ANKS1B: variants seen among roughly 807,000 people sequenced by gnomAD.
The protein encoded by ANKS1B is ankyrin repeat and sterile alpha motif domain-containing protein 1B.
Under a neutral mutation model 148.3 loss-of-function variants are expected in ANKS1B, and 36 were observed. That is an observed-to-expected ratio of 0.24 (90% confidence interval 0.19 to 0.32). The LOEUF (loss-of-function observed/expected upper bound fraction) is 0.32, where lower values mean the gene tolerates loss of function less well. Ranked by LOEUF, ANKS1B falls within the 10% of genes least tolerant of loss-of-function variation. The probability of loss-of-function intolerance (pLI) is 1.00; values close to 1 mark genes in which losing one functional copy is unlikely to be tolerated. For synonymous variants in ANKS1B, 542 were observed against 560.8 expected, an observed-to-expected ratio of 0.97 and a Z score of 0.47; for missense variants, 1,157 against 1,542.6, an observed-to-expected ratio of 0.75 and a Z score of 4.19.
intron 1 of ANKS1B, among the ~76,000 whole-genome samples, chr12:99,904,908 G>A (rs1485561293): frequency 1.3e-5 from 2 of 152,014 alleles, no homozygotes; most frequent in East Asian, 1.9e-4. Context: ...TTACTGAAGC[G>A]CATACTATAT....
At chr12:99,721,957 G>T (rs982742412) in intron 8 of ANKS1B, among the ~76,000 whole-genome samples, 1 of 152,316 alleles carries the variant, frequency 6.6e-6, no homozygotes, top group South Asian at 2.1e-4. Flanking sequence ...TAGTGCTCTG[G>T]AAAGATCAAA....
intron 12 of ANKS1B, among the ~76,000 whole-genome samples, chr12:99,322,159 T>C (rs111339858): frequency 0.048 from 7,252 of 152,194 alleles, 186 homozygotes; most frequent in Middle Eastern, 0.082. Flanking sequence ...ATATATACCA[T>C]GGAATACTAT....
chr12:98,825,437 C>T (rs201420), intron 19 of ANKS1B, among the ~76,000 whole-genome samples: 124,217 of 152,036 alleles, frequency 0.82, 51,010 homozygotes, highest in East Asian at 1. Flanking sequence ...GGTAATACTG[C>T]TTTTTTTTAA....
chr12:99,159,339 A>G (rs78277649), intron 14 of ANKS1B, among the ~76,000 whole-genome samples: 3,518 of 152,244 alleles, frequency 0.023, 120 homozygotes, highest in African/African-American at 0.074. Flanking sequence ...TACTCAGCAC[A>G]GTACCCAATA....
chr12:99,040,542 C>A (rs769720583), intron 17 of ANKS1B, among the ~76,000 whole-genome samples: 1 of 152,174 alleles, frequency 6.6e-6, no homozygotes, highest in African/African-American at 2.4e-5. Context: ...TACCGCCTTT[C>A]ATGACACAAT....
At chr12:99,072,225 T>G (rs1344243812) in intron 16 of ANKS1B, among the ~76,000 whole-genome samples, 2 of 152,150 alleles carry the variant, frequency 1.3e-5, no homozygotes, top group Non-Finnish European at 2.9e-5. Context: ...TTTCTGTTAC[T>G]TCTTGGCTCC....
At chr12:99,132,817 T>C (rs2066563076) in intron 15 of ANKS1B, among the ~76,000 whole-genome samples, 8 of 152,134 alleles carry the variant, frequency 5.3e-5, no homozygotes, top group Admixed American at 5.2e-4. Flanking sequence ...GAGGATCAAG[T>C]TTAAATAAAG....
chr12:98,962,332 C>T lies in ANKS1B; in HGVS notation c.2778+90825G>A, dbSNP rs567067181. Among the ~76,000 whole-genome samples the T allele has an allele frequency of 7.3e-5, 11 of 150,570 alleles. No homozygotes were observed. The East Asian group carries it at 2.1e-3, about 29-fold the overall frequency. On this transcript the variant is annotated intron_variant, in intron 17 of 26. Coordinates refer to ENST00000683438, the MANE Select transcript of ANKS1B (RefSeq NM_001352186.2). ...TCAAGACAAAAACTATAAGAAGAGA[C>T]AAAGAAGGTCCATATATGATGATAA... is the stretch of plus-strand genomic sequence containing the variant.
intron 9 of ANKS1B, among the ~76,000 whole-genome samples, chr12:99,516,959 G>A (rs1314410166): frequency 6.6e-6 from 1 of 152,018 alleles, no homozygotes; most frequent in African/African-American, 2.4e-5. Context: ...TTCCTCCAGT[G>A]TGGTTCTTTT....
At chr12:99,182,248 G>A (rs2079201130) in intron 14 of ANKS1B, among the ~76,000 whole-genome samples, 1 of 152,188 alleles carries the variant, frequency 6.6e-6, no homozygotes, top group Middle Eastern at 3.4e-3. Context: ...CCACCCCCAC[G>A]ATTCAATCAC....
intron 8 of ANKS1B, among the ~76,000 whole-genome samples, chr12:99,685,930 T>G (rs1053101825): frequency 2.6e-5 from 4 of 152,142 alleles, no homozygotes; most frequent in African/African-American, 9.6e-5. Context: ...AGCTAAGCTA[T>G]GAAGATACAA....
chr12:99,043,853 T>C (rs1167277221), intron 17 of ANKS1B, among the ~76,000 whole-genome samples: 1 of 152,226 alleles, frequency 6.6e-6, no homozygotes, highest in East Asian at 1.9e-4. Flanking sequence ...TATAATTTAC[T>C]TTGAATCTTT....
At chr12:99,462,825 T>A (rs947693882) in intron 10 of ANKS1B, among the ~76,000 whole-genome samples, 9 of 152,162 alleles carry the variant, frequency 5.9e-5, no homozygotes, top group African/African-American at 9.6e-5. Flanking sequence ...TGAGTTACCA[T>A]GAGATCTGGC....
chr12:99,789,709 G>A (rs1294651722), intron 4 of ANKS1B, among the ~76,000 whole-genome samples: 2 of 151,988 alleles, frequency 1.3e-5, no homozygotes, highest in Admixed American at 6.6e-5. Context: ...AATTAGTCAA[G>A]AAGAAAAAAT....
chr12:99,682,290 C>T (rs1259558004), intron 8 of ANKS1B, among the ~76,000 whole-genome samples: 1 of 152,108 alleles, frequency 6.6e-6, no homozygotes, highest in Non-Finnish European at 1.5e-5. Context: ...CATTTTCTAT[C>T]CAACAACTGC....
intron 9 of ANKS1B, among the ~76,000 whole-genome samples, chr12:99,618,273 G>T (rs966339159): frequency 5.3e-5 from 8 of 152,128 alleles, no homozygotes; most frequent in African/African-American, 1.9e-4. Flanking sequence ...ACAAAACACT[G>T]CTGAAAGAAA....
At chr12:99,373,833 T>C (rs900778190) in intron 12 of ANKS1B, among the ~76,000 whole-genome samples, 2 of 152,170 alleles carry the variant, frequency 1.3e-5, no homozygotes, top group East Asian at 3.9e-4. Context: ...TGGACTGGAT[T>C]AAAGAATGAA....
At chr12:99,608,039 C>T (rs1199352797) in intron 9 of ANKS1B, among the ~76,000 whole-genome samples, 3 of 151,928 alleles carry the variant, frequency 2.0e-5, no homozygotes, top group Non-Finnish European at 1.5e-5. Context: ...ACCAGCTGAT[C>T]CCATTATTAC....
chr12:99,858,073 A>G, intron 1 of ANKS1B, among the ~76,000 whole-genome samples: 1 of 152,220 alleles, frequency 6.6e-6, no homozygotes, highest in East Asian at 1.9e-4. Flanking sequence ...CACAGCAAAA[A>G]AGATAATCAT....
Sources: gnomAD v4.1 joint callset for allele counts (sites outside exome capture counted in the v4.1 genomes callset) on GRCh38, gnomAD v4.1.1 for gene constraint, MANE v1.5 for transcripts, NCBI Gene and HGNC (gene_info 2026-07-23, HGNC 2026-07-21) for gene names.